Variants in AGO2 observed in about 807,000 individuals in gnomAD.
The protein encoded by AGO2 is protein argonaute-2.
In AGO2, 5 loss-of-function variants were observed where a neutral mutation model predicts 102.3. The ratio of observed to expected loss-of-function variants is 0.05; its 90% confidence interval spans 0.03 to 0.10. The LOEUF is 0.10. Among genes scored for constraint, AGO2 ranks in the 10% least tolerant of loss-of-function variants. The probability of loss-of-function intolerance (pLI) is 1.00; values close to 1 mark genes in which losing one functional copy is unlikely to be tolerated. For missense variants in AGO2, 541 were observed against 1,183.7 expected (o/e 0.46, Z 7.97); for synonymous variants, 449 against 473.1 (o/e 0.95, Z 0.66).
At chr8:140,635,651 G>C (rs1431041911), upstream of AGO2, 7 of 446,878 alleles carry the variant, frequency 1.6e-5, no homozygotes, top group African/African-American at 1.1e-4. Flanking sequence ...CGACGCGGCC[G>C]GGGCGGCGGG....
In AGO2 at chr8:140,572,813, T is replaced by C; in HGVS notation, c.335A>G (p.Lys112Arg). The C allele has an allele frequency of 1.9e-6, 3 of 1,610,418 alleles. No homozygotes were observed. The highest frequency in any genetic ancestry group is 2.5e-6 in the Non-Finnish European group (3 of 1,179,010). Residue 112 changes from lysine to arginine, a missense_variant and splice_region_variant, in exon 3 of 19, where the codon AAG becomes AGG. By Grantham distance (26) the Lys-to-Arg change is conservative (BLOSUM62 2). Coordinates refer to ENST00000220592, the MANE Select transcript of AGO2 (RefSeq NM_012154.5). Reference protein sequence around the residue: ...TAMPLPIGRDKVELEVTLPGE... With the variant: ...TAMPLPIGRDRVELEVTLPGE... ...CCAAGGGCATCCCGGCGAGCTTACCTTGTCCCTCCCAATCGGAAGGGGCAT... is the reference window on the plus strand; with the variant it reads ...CCAAGGGCATCCCGGCGAGCTTACCCTGTCCCTCCCAATCGGAAGGGGCAT...
intron 1 of AGO2, among the ~76,000 whole-genome samples, chr8:140,597,828 C>T (rs1284656308): frequency 6.6e-6 from 1 of 152,230 alleles, no homozygotes; most frequent in Non-Finnish European, 1.5e-5. Context: ...GCAGCAAAAT[C>T]CATCAACATC....
At chr8:140,608,753 G>A (rs933932592) in intron 1 of AGO2, among the ~76,000 whole-genome samples, 9 of 152,236 alleles carry the variant, frequency 5.9e-5, no homozygotes, top group Admixed American at 3.9e-4. Context: ...TGCATCAGAC[G>A]AAAGCAGTGA....
chr8:140,578,851 T>C (rs924718949), intron 2 of AGO2, among the ~76,000 whole-genome samples: 2 of 152,242 alleles, frequency 1.3e-5, no homozygotes, highest in Non-Finnish European at 2.9e-5. Context: ...AGCCGGAGCG[T>C]GTTGCTAATG....
rs945812114 is a variant in AGO2 at position 140,557,897 on chromosome 8, C to T, written c.878+588G>A. Reference sequence around the variant, plus strand: ...TCTCGTCCTTCTGCTCCCTCAGCCACGGGCATCTTGGTACCTCCAGTGCCT... The same window carrying T: ...TCTCGTCCTTCTGCTCCCTCAGCCATGGGCATCTTGGTACCTCCAGTGCCT... On this transcript the variant is annotated intron_variant, in intron 7 of 18. Coordinates refer to ENST00000220592, the MANE Select transcript of AGO2 (RefSeq NM_012154.5). This position sits in a 1 kb window ranked among gnomAD's most constrained non-coding sequence, Gnocchi z 5.9. 6.6e-6 allele frequency among the ~76,000 whole-genome samples: 1 copy of T among 152,234 alleles called. No homozygotes were observed. Among genetic ancestry groups the T allele is most frequent in the African/African-American group, 2.4e-5 (1 of 41,462 alleles).
chr8:140,533,368 G>A (rs1010405022), intron 17 of AGO2, among the ~76,000 whole-genome samples: 2 of 144,134 alleles, frequency 1.4e-5, no homozygotes, highest in African/African-American at 5.2e-5. Flanking sequence ...CAGCCTAGGG[G>A]ACAGAGTGAG....
At chr8:140,592,416 C>T (rs1383245489) in intron 1 of AGO2, 1 of 152,256 alleles carries the variant, frequency 6.6e-6, no homozygotes, top group Non-Finnish European at 1.5e-5. Flanking sequence ...GTATCTGCCT[C>T]TCCCACTAGA....
chr8:140,564,558 A>G (rs979729130), intron 3 of AGO2, among the ~76,000 whole-genome samples: 1 of 152,226 alleles, frequency 6.6e-6, no homozygotes, highest in Non-Finnish European at 1.5e-5. Flanking sequence ...GATCCTTTAT[A>G]ATAATCCACT....
In AGO2 at chr8:140,522,230, T is replaced by C. The variant is rs532694371; in HGVS notation, c.*9814A>G. ...AATAAACGGAAATTACAATTTCAAG[T>C]TTCATGTGGAGTTGTATCTCACTGT... On this transcript the variant is annotated 3_prime_UTR_variant, in exon 19 of 19. Transcript: ENST00000220592. 107 of 152,246 alleles carry C rather than the reference T, an allele frequency of 7.0e-4. No homozygotes were observed. Among genetic ancestry groups the C allele is most frequent in the Non-Finnish European group, 2.5e-4 (17 of 68,010 alleles). The allele number at this position is 152,246 out of a possible 1,614,324, so 9.4% of individuals were successfully genotyped here.
Position 140,523,355 on chromosome 8 carries a change from G to T in AGO2, c.*8689C>A, listed in dbSNP as rs2072447134. 6.6e-6 allele frequency: 1 copy of T among 151,940 alleles called. No individual in the cohort carries two copies. The highest frequency in any genetic ancestry group is 1.5e-5 in the Non-Finnish European group (1 of 67,984). 9.4% of individuals were successfully genotyped at this position (151,940 alleles called of 1,614,324 possible). A position where few individuals can be genotyped will look rare whatever the true frequency, so the allele number is the denominator to read the frequency against. ...TAAGAAGGGGCAAAAATCCATCTAT[G>T]GAACTTCTGAATTCATTTTTGGTTC... On this transcript the variant is annotated 3_prime_UTR_variant, in exon 19 of 19. Transcript: ENST00000220592.
At chr8:140,612,183 A>C (rs2074087160) in intron 1 of AGO2, among the ~76,000 whole-genome samples, 1 of 133,470 alleles carries the variant, frequency 7.5e-6, no homozygotes, top group African/African-American at 2.8e-5. Context: ...AGATTGTGCC[A>C]CTGCACTCCG....
chr8:140,539,735 T>C lies in AGO2; in HGVS notation c.2035-281A>G, dbSNP rs1451322320. On this transcript the variant is annotated intron_variant, in intron 15 of 18. Coordinates refer to ENST00000220592, the MANE Select transcript of AGO2 (RefSeq NM_012154.5). This position sits in a 1 kb window ranked among gnomAD's most constrained non-coding sequence, Gnocchi z 4.7. ...CAAGGGGCGCAGCCAACGCCAGGGATGCAGGCTGGGCTCTGCGCTGAGAAG... is the reference window on the plus strand; with the variant it reads ...CAAGGGGCGCAGCCAACGCCAGGGACGCAGGCTGGGCTCTGCGCTGAGAAG... 1.3e-5 allele frequency among the ~76,000 whole-genome samples: 2 copies of C among 152,190 alleles called. No individual in the cohort carries two copies. The highest frequency in any genetic ancestry group is 2.9e-5 in the Non-Finnish European group (2 of 68,026).
chr8:140,547,122 T>C (rs1005993935), intron 13 of AGO2, among the ~76,000 whole-genome samples: 2 of 152,204 alleles, frequency 1.3e-5, no homozygotes, highest in East Asian at 3.9e-4. Flanking sequence ...TAGAGGGCCC[T>C]GGTCCACACG....
Position 140,555,992 on chromosome 8 carries a change from A to G in AGO2, c.1173T>C (p.Asp391=). ...TGATTCCAAATTCACGGACGTATGG[A>G]TCTGTGTTGAAACTTGCACTTCGCA... ...KLMRSASFNT[D]PYVREFGIMV... is the part of the protein sequence containing the mutation. The change falls in exon 10 of 19, where the codon GAT becomes GAC. Residue 391 remains aspartate (D), a synonymous_variant. Transcript: ENST00000220592. 1 of 1,614,168 alleles carries G rather than the reference A, an allele frequency of 6.2e-7. No homozygotes were observed. The highest frequency in any genetic ancestry group is 1.1e-5 in the South Asian group (1 of 91,090).
chr8:140,600,298 G>A (rs903110660), intron 1 of AGO2, among the ~76,000 whole-genome samples: 1 of 152,182 alleles, frequency 6.6e-6, no homozygotes, highest in Non-Finnish European at 1.5e-5. Flanking sequence ...TGCACTTGGC[G>A]AGGCCTCTGC....
At chr8:140,535,332 C>T in intron 17 of AGO2, 136 bp downstream of exon 17, 2 of 907,950 alleles carry the variant, frequency 2.2e-6, no homozygotes, top group Admixed American at 2.1e-5. Flanking sequence ...GCCTGGGCTC[C>T]CCGGTTCCCT....
the AGO2 span, among the ~76,000 whole-genome samples, chr8:140,641,043 C>A: frequency 1.3e-5 from 2 of 152,118 alleles, no homozygotes; most frequent in East Asian, 1.9e-4. Flanking sequence ...CACCTGTAAT[C>A]CCAGCACTTT....
chr8:140,619,532 C>T (rs1329688982), intron 1 of AGO2, among the ~76,000 whole-genome samples: 4 of 152,174 alleles, frequency 2.6e-5, no homozygotes, highest in East Asian at 1.9e-4. Context: ...TTAAGGAAGC[C>T]GCGGGAGGCC....
At chr8:140,584,136 TAAAAAA>T (rs11361657) in intron 2 of AGO2, among the ~76,000 whole-genome samples, 3 of 116,992 alleles carry the variant, frequency 2.6e-5, no homozygotes, top group Non-Finnish European at 3.5e-5. Flanking sequence ...AGAAACTCAG[TAAAAAA>T]AAAAAAAAAA....
Sources: gnomAD v4.1 joint callset for allele counts (sites outside exome capture counted in the v4.1 genomes callset) on GRCh38, gnomAD v4.1.1 for gene constraint, Gnocchi (gnomAD v3.1) non-coding constraint, MANE v1.5 for transcripts, NCBI Gene and HGNC (gene_info 2026-07-23, HGNC 2026-07-21) for gene names.